ZMYND8: variants seen among roughly 807,000 people sequenced by gnomAD.
ZMYND8 encodes the protein zinc finger MYND-type containing 8, also known as MYND-type zinc finger-containing chromatin reader ZMYND8.
In ZMYND8, 37 loss-of-function variants were observed where a neutral mutation model predicts 140.8. The observed-to-expected ratio is 0.26, with a 90% CI of 0.20 to 0.35. The LOEUF (loss-of-function observed/expected upper bound fraction) is 0.35. ZMYND8 is among the 10% of genes least tolerant of loss of function. The pLI, the probability that ZMYND8 is intolerant of heterozygous loss-of-function variation, is 1.00. For missense variants in ZMYND8, 1,068 were observed against 1,570.0 expected, an observed-to-expected ratio of 0.68 and a Z score of 5.40; for synonymous variants, 592 against 597.1, an observed-to-expected ratio of 0.99 and a Z score of 0.12.
chr20:47,318,844 A>G (rs907319671), intron 2 of ZMYND8: 9 of 817,282 alleles, frequency 1.1e-5, no homozygotes, highest in Non-Finnish European at 1.4e-5. Context: ...AGGCTGTGGA[A>G]TGAAAGGTCA....
rs566585007 is a variant in ZMYND8, at chr20:47,263,969, G to A, written c.1481-1541C>T. ...GCAATTCTTCTCTCCAGGGCACACT[G>A]GGCATTGCATCCAGACATTTTAGGA... On this transcript the variant is annotated intron_variant, in intron 11 of 22. Coordinates refer to ENST00000471951, the MANE Select transcript of ZMYND8 (RefSeq NM_001281775.3). Among the ~76,000 whole-genome samples, 5 of 152,272 alleles carry A rather than the reference G, an allele frequency of 3.3e-5. No individual in the cohort carries two copies. In the South Asian group the frequency reaches 1.0e-3, roughly 32 times the overall value.
At chr20:47,285,899 T>C (rs1569097973) in intron 8 of ZMYND8, 1 of 934,336 alleles carries the variant, frequency 1.1e-6, no homozygotes. Context: ...TACATAAATA[T>C]ACAGACATAA....
intron 1 of ZMYND8, chr20:47,348,998 A>T (rs1038232780): frequency 2.6e-5 from 4 of 152,202 alleles, no homozygotes; most frequent in African/African-American, 7.2e-5. Flanking sequence ...TTCCATTTGG[A>T]AGACTCAACG....
chr20:47,236,185 G>A (rs1419913938), intron 16 of ZMYND8, 141 bp downstream of exon 16: 2 of 946,872 alleles, frequency 2.1e-6, no homozygotes, highest in Non-Finnish European at 3.1e-6. Context: ...CGTGGTCTTG[G>A]AGATTCTGTT....
At chr20:47,269,804 T>A (rs753855467) in intron 11 of ZMYND8, among the ~76,000 whole-genome samples, 5 of 152,250 alleles carry the variant, frequency 3.3e-5, no homozygotes, top group African/African-American at 1.2e-4. Flanking sequence ...ACAACCTGTA[T>A]GTTCAAAGTG....
At chr20:47,241,663 C>T (rs2039984699) in intron 14 of ZMYND8, among the ~76,000 whole-genome samples, 1 of 152,064 alleles carries the variant, frequency 6.6e-6, no homozygotes, top group African/African-American at 2.4e-5. Flanking sequence ...TATGGATGCA[C>T]AGGCCTCAGC....
At chr20:47,341,239 G>A (rs899833698) in intron 2 of ZMYND8, among the ~76,000 whole-genome samples, 4 of 152,144 alleles carry the variant, frequency 2.6e-5, no homozygotes, top group African/African-American at 9.7e-5. Context: ...TGTCTACTGA[G>A]AAAATCTAGA....
chr20:47,261,861 C>T (rs1050138863), intron 12 of ZMYND8, among the ~76,000 whole-genome samples: 2 of 151,834 alleles, frequency 1.3e-5, no homozygotes, highest in African/African-American at 4.8e-5. Context: ...CACCTGAGGT[C>T]GGGGTTTGAG....
intron 1 of ZMYND8, among the ~76,000 whole-genome samples, chr20:47,350,331 A>G (rs2082671089): frequency 7.1e-6 from 1 of 141,718 alleles, no homozygotes; most frequent in Non-Finnish European, 1.5e-5. Flanking sequence ...AAAAGGAGAA[A>G]AAAAAAAAAA....
At chr20:47,253,462 A>T (rs758053720) in intron 12 of ZMYND8, among the ~76,000 whole-genome samples, 1 of 147,708 alleles carries the variant, frequency 6.8e-6, no homozygotes, top group African/African-American at 2.5e-5. Flanking sequence ...ACTTGAACCC[A>T]GGAGGAGGAG....
intron 3 of ZMYND8, among the ~76,000 whole-genome samples, chr20:47,300,507 T>C (rs2077943672): frequency 6.6e-6 from 1 of 152,264 alleles, no homozygotes; most frequent in South Asian, 2.1e-4. Context: ...ACAGAAATGC[T>C]GTCAGATTTC....
At chr20:47,212,318 C>G (rs1055295023) in intron 22 of ZMYND8, among the ~76,000 whole-genome samples, 1 of 152,192 alleles carries the variant, frequency 6.6e-6, no homozygotes, top group Non-Finnish European at 1.5e-5. Flanking sequence ...CCTCACTCCT[C>G]ATATGGAGAG....
At chr20:47,236,209 G>T in intron 16 of ZMYND8, 117 bp downstream of exon 16, 1 of 1,226,408 alleles carries the variant, frequency 8.2e-7, no homozygotes, top group South Asian at 1.4e-5. Flanking sequence ...AAAAAAAAGG[G>T]TCTTCACTCC....
At chr20:47,243,590 A>G (rs2040215198) in intron 14 of ZMYND8, among the ~76,000 whole-genome samples, 1 of 152,218 alleles carries the variant, frequency 6.6e-6, no homozygotes, top group South Asian at 2.1e-4. Flanking sequence ...GAAGATTGAA[A>G]TAGTACAGAT....
chr20:47,265,470 T>G (rs2075451583), intron 11 of ZMYND8, among the ~76,000 whole-genome samples: 1 of 151,980 alleles, frequency 6.6e-6, no homozygotes, highest in African/African-American at 2.4e-5. Flanking sequence ...AGACAAAGTC[T>G]TGCTCTGTTG....
intron 14 of ZMYND8, among the ~76,000 whole-genome samples, chr20:47,241,584 A>G (rs1172323845): frequency 6.6e-6 from 1 of 152,018 alleles, no homozygotes; most frequent in Non-Finnish European, 1.5e-5. Flanking sequence ...GGGAGGTTAG[A>G]GCCAGAAGCA....
At position 47,331,086 on chromosome 20, in the gene ZMYND8, C is replaced by T. The variant is rs546515385; in HGVS notation, c.85+16770G>A. On this transcript the variant is annotated intron_variant, in intron 2 of 22. Transcript: ENST00000471951. The stretch of plus-strand genomic sequence containing the variant: ...GGAGAGAAGTGGAACACAGAGAGAA[C>T]GGAACACGGAGAGAATGGAACACAG... 2.7e-5 allele frequency among the ~76,000 whole-genome samples: 4 copies of T among 150,650 alleles called. No homozygotes were observed. The East Asian group carries it at 5.8e-4, about 22-fold the overall frequency.
At chr20:47,278,432 T>C (rs1028354372) in intron 10 of ZMYND8, among the ~76,000 whole-genome samples, 19 of 152,212 alleles carry the variant, frequency 1.2e-4, no homozygotes, top group Non-Finnish European at 2.5e-4. Context: ...AAAGCAACCA[T>C]GTAGGAATCT....
chr20:47,217,635 C>T (rs772632741), intron 21 of ZMYND8, among the ~76,000 whole-genome samples: 1 of 149,838 alleles, frequency 6.7e-6, no homozygotes, highest in South Asian at 2.1e-4. Context: ...AGTCTTGGCT[C>T]TCATAATTAC....
Sources: allele counts gnomAD v4.1 joint callset (sites outside exome capture counted in the v4.1 genomes callset), GRCh38; gene constraint gnomAD v4.1.1; transcripts MANE v1.5; gene names NCBI Gene and HGNC (gene_info 2026-07-23, HGNC 2026-07-21).